The following EFNB2 variants were observed in gnomAD, a reference collection of about 807,000 sequenced individuals.
EFNB2 encodes the protein ephrin B2.
A neutral mutation model predicts 32.1 loss-of-function variants in EFNB2; 5 were observed. The ratio of observed to expected loss-of-function variants is 0.16; its 90% confidence interval spans 0.08 to 0.33. EFNB2 has a LOEUF of 0.33. Among genes scored for constraint, EFNB2 ranks in the 10% least tolerant of loss-of-function variants. The pLI, the probability that EFNB2 is intolerant of heterozygous loss-of-function variation, is 1.00. For missense variants in EFNB2, 263 were observed against 422.6 expected, an observed-to-expected ratio of 0.62 and a Z score of 3.31; for synonymous variants, 168 against 166.5, an observed-to-expected ratio of 1.01 and a Z score of -0.07.
chr13:106,495,873 AT>A, intron 2 of EFNB2, 33 bp from the exon 3 acceptor site: 6 of 1,587,508 alleles, frequency 3.8e-6, no homozygotes, highest in Non-Finnish European at 5.2e-6. Flanking sequence ...AAACAAAAAA[AT>A]AAAGAAAAAT....
intron 1 of EFNB2, among the ~76,000 whole-genome samples, chr13:106,528,337 A>G (rs1298366723): frequency 2.0e-5 from 3 of 152,204 alleles, no homozygotes; most frequent in African/African-American, 7.2e-5. Context: ...TACAGCCCCA[A>G]ACAGATGCTC....
At chr13:106,512,944 G>A (rs1451778571) in intron 1 of EFNB2, 132 bp from the exon 2 acceptor site, 1 of 753,008 alleles carries the variant, frequency 1.3e-6, no homozygotes, top group Non-Finnish European at 2.0e-6. Context: ...TTTATCAAAA[G>A]TCTCTTACTT....
At chr13:106,515,654 T>C (rs1046790495) in intron 1 of EFNB2, among the ~76,000 whole-genome samples, 1 of 152,220 alleles carries the variant, frequency 6.6e-6, no homozygotes, top group Non-Finnish European at 1.5e-5. Context: ...TTAGCAGCTT[T>C]TACTTTTTAA....
At chr13:106,504,326 C>A (rs1198590894) in intron 2 of EFNB2, among the ~76,000 whole-genome samples, 4 of 152,210 alleles carry the variant, frequency 2.6e-5, no homozygotes, top group African/African-American at 9.6e-5. Flanking sequence ...GGCGGTGGGA[C>A]TTCACCAGCG....
intron 2 of EFNB2, among the ~76,000 whole-genome samples, chr13:106,498,570 C>T (rs1446076873): frequency 6.6e-6 from 1 of 152,076 alleles, no homozygotes; most frequent in Non-Finnish European, 1.5e-5. Flanking sequence ...AATTTAACAT[C>T]CACAGACTAT....
chr13:106,512,936 T>C, intron 1 of EFNB2, 124 bp from the exon 2 acceptor site: 1 of 803,388 alleles, frequency 1.2e-6, no homozygotes, highest in Non-Finnish European at 1.9e-6. Flanking sequence ...CACTTTAATT[T>C]ATCAAAAGTC....
intron 2 of EFNB2, among the ~76,000 whole-genome samples, chr13:106,499,849 T>G (rs1057398417): frequency 6.6e-6 from 1 of 152,208 alleles, no homozygotes; most frequent in Admixed American, 6.5e-5. Context: ...TCTAACTGCA[T>G]GTAGTAAGTA....
chr13:106,521,896 T>C (rs949134511), intron 1 of EFNB2, among the ~76,000 whole-genome samples: 4 of 152,052 alleles, frequency 2.6e-5, no homozygotes, highest in Non-Finnish European at 5.9e-5. Flanking sequence ...TCTACTTTGG[T>C]ATTAATCATC....
intron 1 of EFNB2, among the ~76,000 whole-genome samples, chr13:106,522,719 AC>A (rs1175518781): frequency 6.6e-6 from 1 of 152,078 alleles, no homozygotes; most frequent in Non-Finnish European, 1.5e-5. Flanking sequence ...TTGCCTATTG[AC>A]AAAAATGATT....
rs761224421 is a variant in EFNB2 at position 106,494,875 on chromosome 13, T to C, written c.613+6A>G. ...ACCTCCATACACACAGATCATGCTG[T>C]TATACCTGGATTTGGTTTTACAAAG... On this transcript the variant is annotated splice_donor_region_variant and intron_variant, in intron 4 of 4. Coordinates refer to ENST00000646441, the MANE Select transcript of EFNB2 (RefSeq NM_004093.4). 2 of 1,609,330 alleles carry C rather than the reference T, an allele frequency of 1.2e-6. No individual in the cohort carries two copies. Among genetic ancestry groups the C allele is most frequent in the Non-Finnish European group, 1.7e-6 (2 of 1,175,654 alleles).
intron 1 of EFNB2, among the ~76,000 whole-genome samples, chr13:106,532,049 G>T: frequency 7.6e-6 from 1 of 131,970 alleles, no homozygotes; most frequent in African/African-American, 2.9e-5. Context: ...ACTGTTCTCT[G>T]CTGAATTAAA....
intron 3 of EFNB2, 66 bp from the exon 4 acceptor site, chr13:106,495,060 A>G (rs1277808881): frequency 7.8e-7 from 1 of 1,275,402 alleles, no homozygotes; most frequent in Non-Finnish European, 1.1e-6. Flanking sequence ...TAGGAGCTGC[A>G]TATATATTTC....
At position 106,493,577 on chromosome 13, in the gene EFNB2, G is replaced by C; in HGVS notation, c.614-149C>G. On this transcript the variant is annotated intron_variant, in intron 4 of 4. Coordinates refer to ENST00000646441, the MANE Select transcript of EFNB2 (RefSeq NM_004093.4). The surrounding 1 kb of genome is among the most constrained non-coding windows in gnomAD (Gnocchi z 6.1). Reference sequence around the variant, plus strand: ...TTTGCCTCGCCAATACCTCGTCTAAGAGCTCAACGCAAAAGGAAATGAGAG... The same window carrying C: ...TTTGCCTCGCCAATACCTCGTCTAACAGCTCAACGCAAAAGGAAATGAGAG... The C allele has an allele frequency of 9.4e-7, 1 of 1,061,286 alleles. No homozygotes were observed. The highest frequency in any genetic ancestry group is 1.3e-6 in the Non-Finnish European group (1 of 756,320). 65.7% of individuals were successfully genotyped at this position (1,061,286 alleles called of 1,614,324 possible).
At chr13:106,533,759 C>T (rs1228824008) in intron 1 of EFNB2, among the ~76,000 whole-genome samples, 1 of 152,170 alleles carries the variant, frequency 6.6e-6, no homozygotes, top group African/African-American at 2.4e-5. Context: ...CAGAAACCAG[C>T]TAATGTCTGC....
In EFNB2 at chr13:106,491,200, C is replaced by T. The variant is rs1209259803; in HGVS notation, c.*1840G>A. The T allele has an allele frequency of 3.9e-5, 6 of 152,594 alleles. No individual in the cohort carries two copies. Among genetic ancestry groups the T allele is most frequent in the Non-Finnish European group, 5.9e-5 (4 of 68,054 alleles). 9.5% of individuals were successfully genotyped at this position (152,594 alleles called of 1,614,324 possible). ...AGGGAAAACCCAACGCAGAAATAAA[C>T]GCCGGAACATCTTGTCATTGTTAAA... is the stretch of plus-strand genomic sequence containing the variant. On this transcript the variant is annotated 3_prime_UTR_variant, in exon 5 of 5. Transcript: ENST00000646441.
chr13:106,492,428 T>C lies in EFNB2; in HGVS notation c.*612A>G, dbSNP rs542319697. 11 of 152,960 alleles carry C rather than the reference T, an allele frequency of 7.2e-5. No individual in the cohort carries two copies. Among genetic ancestry groups the C allele is most frequent in the African/African-American group, 2.4e-4 (10 of 41,576 alleles). The allele number at this position is 152,960 out of a possible 1,614,324, so 9.5% of individuals were successfully genotyped here. A position where few individuals can be genotyped will look rare whatever the true frequency, so the allele number is the denominator to read the frequency against. ...CGGATTACCCATGGACTGAAGCTGT[T>C]GTTGCCAGCGGCTGGAGGAGGGGAC... On this transcript the variant is annotated 3_prime_UTR_variant, in exon 5 of 5. Transcript: ENST00000646441. This position sits in a 1 kb window ranked among gnomAD's most constrained non-coding sequence, Gnocchi z 5.1.
chr13:106,533,560 C>T (rs1007791945), intron 1 of EFNB2, among the ~76,000 whole-genome samples: 1 of 152,184 alleles, frequency 6.6e-6, no homozygotes, highest in African/African-American at 2.4e-5. Context: ...CGTTTTCGCC[C>T]TTTTCATGAA....
chr13:106,513,384 A>G (rs1277263030), intron 1 of EFNB2, among the ~76,000 whole-genome samples: 1 of 152,256 alleles, frequency 6.6e-6, no homozygotes, highest in Non-Finnish European at 1.5e-5. Flanking sequence ...ACACTGAACA[A>G]AAGCAATGTC....
chr13:106,514,839 T>C (rs1181320324), intron 1 of EFNB2, among the ~76,000 whole-genome samples: 1 of 152,164 alleles, frequency 6.6e-6, no homozygotes, highest in Non-Finnish European at 1.5e-5. Context: ...GCTTCAGAGA[T>C]TAGGATCCTT....
Sources: gnomAD v4.1 joint callset for allele counts (sites outside exome capture counted in the v4.1 genomes callset) on GRCh38, gnomAD v4.1.1 for gene constraint, Gnocchi (gnomAD v3.1) non-coding constraint, MANE v1.5 for transcripts, NCBI Gene and HGNC (gene_info 2026-07-23, HGNC 2026-07-21) for gene names.